The following RYR3 variants were observed in gnomAD, a reference collection of about 807,000 sequenced individuals.
The protein encoded by RYR3 is brain ryanodine receptor-calcium release channel.
Under a neutral mutation model 584.3 loss-of-function variants are expected in RYR3, and 207 were observed. The ratio of observed to expected loss-of-function variants is 0.35; its 90% CI spans 0.32 to 0.40. RYR3 has a LOEUF of 0.40. Among genes scored for constraint, RYR3 ranks in the 10% least tolerant of loss-of-function variants. The pLI is 1.00. For missense variants in RYR3, 5,616 were observed against 6,089.2 expected (o/e 0.92, Z 2.59); for synonymous variants, 2,416 against 2,248.5 (o/e 1.07, Z -2.11).
intron 1 of RYR3, among the ~76,000 whole-genome samples, chr15:33,316,666 G>A (rs1313315624): frequency 6.6e-6 from 1 of 152,210 alleles, no homozygotes; most frequent in East Asian, 1.9e-4. Context: ...GATAGAACCT[G>A]CGTTAACAGA....
At chr15:33,580,612 G>A (rs2058540724) in intron 13 of RYR3, among the ~76,000 whole-genome samples, 1 of 152,156 alleles carries the variant, frequency 6.6e-6, no homozygotes, top group South Asian at 2.1e-4. Context: ...TGACCATGAG[G>A]AAAATATCAG....
At chr15:33,682,909 G>A (rs753673238) in intron 38 of RYR3, among the ~76,000 whole-genome samples, 21 of 152,168 alleles carry the variant, frequency 1.4e-4, no homozygotes, top group Non-Finnish European at 2.4e-4. Flanking sequence ...AGAGTAAGAC[G>A]GGCCATACCT....
At chr15:33,712,845 G>A (rs967661509) in intron 43 of RYR3, among the ~76,000 whole-genome samples, 1 of 152,142 alleles carries the variant, frequency 6.6e-6, no homozygotes, top group African/African-American at 2.4e-5. Flanking sequence ...CCTAACCTCA[G>A]TGCTTTTTTA....
intron 1 of RYR3, among the ~76,000 whole-genome samples, chr15:33,468,423 C>CAAT (rs1339605411): frequency 1.3e-5 from 2 of 152,088 alleles, no homozygotes; most frequent in Non-Finnish European, 2.9e-5. Context: ...ATATCATTAT[C>CAAT]AATAATAATA....
At chr15:33,600,038 C>T (rs2152548639) in intron 16 of RYR3, among the ~76,000 whole-genome samples, 2 of 152,272 alleles carry the variant, frequency 1.3e-5, no homozygotes, top group Middle Eastern at 6.8e-3. Flanking sequence ...ATTTCCTGGC[C>T]ATCTATGGCT....
chr15:33,662,928 C>A lies in RYR3; in HGVS notation c.5398C>A (p.Pro1800Thr), dbSNP rs747723845. 1.9e-5 allele frequency: 31 copies of A among 1,612,330 alleles called. No individual in the cohort carries two copies. The highest frequency in any genetic ancestry group is 2.4e-5 in the Non-Finnish European group (28 of 1,179,392). Reference sequence around the variant, plus strand: ...CAAAGGCTTGTTGCAGACTCGATTACCCGAATCCGTCAAGCTGCAGGTAAG... The same window carrying A: ...CAAAGGCTTGTTGCAGACTCGATTAACCGAATCCGTCAAGCTGCAGGTAAG... ...PVKGLLQTRL[P>T]ESVKLQMCEL... The change falls in exon 35 of 104, where the codon CCC (proline) becomes ACC (threonine). Residue 1800 changes from proline (P) to threonine (T), a missense_variant. By Grantham distance (38) the Pro-to-Thr change is conservative (BLOSUM62 -1). Around this residue, in one of 9 missense-constraint regions of RYR3, gnomAD observed 753 missense variants for 741.0 expected, o/e 1.02. Coordinates refer to ENST00000634891, the MANE Select transcript of RYR3 (RefSeq NM_001036.6).
Position 33,805,689 on chromosome 15 carries a change from G to A in RYR3, c.10012-1866G>A, listed in dbSNP as rs534497309. Among the ~76,000 whole-genome samples the A allele has an allele frequency of 2.5e-3, 383 of 151,792 alleles. 3 individuals carry two copies. Among genetic ancestry groups the A allele is most frequent in the South Asian group, 4.4e-3 (21 of 4,758 alleles). ...AGACAGGGTTTCACTGTGTTAGCCA[G>A]GATGGTCTCGATCTCCTGACGTCAT... is the stretch of plus-strand genomic sequence containing the variant. On this transcript the variant is annotated intron_variant, in intron 69 of 103. Coordinates refer to ENST00000634891, the MANE Select transcript of RYR3 (RefSeq NM_001036.6).
At position 33,749,993 on chromosome 15, in the gene RYR3, C is replaced by T. The variant is rs746852683; in HGVS notation, c.8214C>T (p.Val2738=). ...GTGGGACACAGGGAATGGTGGAGGT[C>T]GTGGCTGAGAACTATCACAATATCT... ...LSRELQGMVE[V]VAENYHNIWA... The change falls in exon 56 of 104, where the codon GTC becomes GTT. Residue 2738 remains valine (V), a synonymous_variant. Coordinates refer to ENST00000634891, the MANE Select transcript of RYR3 (RefSeq NM_001036.6). 23 of 1,611,776 alleles carry T rather than the reference C, an allele frequency of 1.4e-5. No homozygotes were observed. Among genetic ancestry groups the T allele is most frequent in the Non-Finnish European group, 1.8e-5 (21 of 1,179,302 alleles).
At chr15:33,831,887 T>G (rs958715925) in intron 86 of RYR3, among the ~76,000 whole-genome samples, 1 of 152,172 alleles carries the variant, frequency 6.6e-6, no homozygotes, top group Non-Finnish European at 1.5e-5. Context: ...AACGCTCAGT[T>G]TGTACTCTGC....
intron 60 of RYR3, among the ~76,000 whole-genome samples, chr15:33,765,713 T>A (rs2072993545): frequency 6.6e-6 from 1 of 151,578 alleles, no homozygotes; most frequent in Admixed American, 6.6e-5. Flanking sequence ...ACAGTGTACA[T>A]TATAGGGCCC....
chr15:33,508,691 C>T (rs1478299629), intron 3 of RYR3, among the ~76,000 whole-genome samples: 1 of 152,052 alleles, frequency 6.6e-6, no homozygotes, highest in Non-Finnish European at 1.5e-5. Flanking sequence ...GAAATGTGAC[C>T]TGGAAAGATA....
At chr15:33,694,252 T>G (rs1231609290) in intron 38 of RYR3, among the ~76,000 whole-genome samples, 6 of 150,888 alleles carry the variant, frequency 4.0e-5, no homozygotes, top group East Asian at 3.9e-4. Context: ...TAGTTTTTGT[T>G]TTTTTTTTTT....
chr15:33,694,744 C>T (rs1282499338), intron 38 of RYR3, among the ~76,000 whole-genome samples: 1 of 152,220 alleles, frequency 6.6e-6, no homozygotes, highest in Non-Finnish European at 1.5e-5. Flanking sequence ...AGGTATTAGT[C>T]TGCAGTCCCT....
chr15:33,551,907 G>T (rs1047518017), intron 10 of RYR3, among the ~76,000 whole-genome samples: 10 of 152,208 alleles, frequency 6.6e-5, no homozygotes, highest in African/African-American at 2.4e-4. Context: ...AACAGAGACT[G>T]GGACATGGAG....
intron 1 of RYR3, among the ~76,000 whole-genome samples, chr15:33,451,858 G>A (rs570916213): frequency 9.2e-5 from 14 of 152,342 alleles, no homozygotes; most frequent in African/African-American, 3.4e-4. Context: ...GATAAATAAA[G>A]CTCATAAAAT....
At chr15:33,778,876 A>C (rs12913948) in intron 64 of RYR3, among the ~76,000 whole-genome samples, 13,832 of 152,302 alleles carry the variant, frequency 0.091, 884 homozygotes, top group East Asian at 0.27. Flanking sequence ...CTGGGGGCTG[A>C]TTTTGAAGTT....
At chr15:33,746,495 T>C (rs115126589) in intron 53 of RYR3, among the ~76,000 whole-genome samples, 2,024 of 152,148 alleles carry the variant, frequency 0.013, 33 homozygotes, top group African/African-American at 0.046. Flanking sequence ...CACGGTGAAA[T>C]TGCTGGAGAA....
intron 36 of RYR3, among the ~76,000 whole-genome samples, chr15:33,668,567 A>G (rs926480916): frequency 6.6e-6 from 1 of 152,238 alleles, no homozygotes; most frequent in Non-Finnish European, 1.5e-5. Flanking sequence ...AACCTCACCA[A>G]TTAAGCATAA....
chr15:33,800,891 G>T, intron 68 of RYR3, 34 bp downstream of exon 68: 1 of 1,446,572 alleles, frequency 6.9e-7, no homozygotes, highest in Non-Finnish European at 9.7e-7. Flanking sequence ...GTTTAGAATG[G>T]TTGTGAAAGC....
Sources: allele counts gnomAD v4.1 joint callset (sites outside exome capture counted in the v4.1 genomes callset), GRCh38; gene constraint gnomAD v4.1.1; regional missense constraint gnomAD v4.1.1; transcripts MANE v1.5; gene names NCBI Gene and HGNC (gene_info 2026-07-23, HGNC 2026-07-21).